ASPG: variants seen among roughly 807,000 people sequenced by gnomAD.
ASPG encodes 60 kDa lysophospholipase.
Under a neutral mutation model 63.2 loss-of-function variants are expected in ASPG, and 53 were observed. That is an observed-to-expected ratio of 0.84 (90% CI 0.67 to 1.05). The LOEUF (loss-of-function observed/expected upper bound fraction) is 1.05. ASPG is among the 50% of genes least tolerant of loss of function. The pLI is 0.00. For missense variants in ASPG, 741 were observed against 794.4 expected, an observed-to-expected ratio of 0.93 and a Z score of 0.81; for synonymous variants, 370 against 355.0, an observed-to-expected ratio of 1.04 and a Z score of -0.48.
chr14:104,111,237 G>A lies in ASPG; in HGVS notation c.1521-265G>A, dbSNP rs554969259. 3.2e-6 allele frequency: 3 copies of A among 948,986 alleles called. No individual in the cohort carries two copies. The East Asian group carries it at 3.5e-4, about 110-fold the overall frequency. The allele number at this position is 948,986 out of a possible 1,614,324, so 58.8% of individuals were successfully genotyped here. On this transcript the variant is annotated intron_variant, in intron 13 of 15. Transcript: ENST00000551177. ...TGTGTGTGTACATGTATGCTGCTGT[G>A]TATGCTGCTGTGTGTGCATGTGTGT... is the stretch of plus-strand genomic sequence containing the variant.
chr14:104,094,277 G>A (rs1272703647), intron 3 of ASPG, among the ~76,000 whole-genome samples: 1 of 152,084 alleles, frequency 6.6e-6, no homozygotes, highest in Non-Finnish European at 1.5e-5. Context: ...TCGAGGGCCA[G>A]CAAGCTCCTT....
chr14:104,112,135 C>T, intron 15 of ASPG, 135 bp downstream of exon 15: 1 of 786,540 alleles, frequency 1.3e-6, no homozygotes, highest in Non-Finnish European at 2.0e-6. Flanking sequence ...AGTTTAGGGT[C>T]TGCAGAGCCC....
At chr14:104,092,912 G>A (rs1401006144) in intron 2 of ASPG, 171 bp downstream of exon 2, 1 of 610,568 alleles carries the variant, frequency 1.6e-6, no homozygotes, top group South Asian at 2.0e-5. Context: ...TTCCACCAGA[G>A]CCTGAACCTC....
Position 104,088,502 on chromosome 14 carries a change from G to A in ASPG, c.82+2650G>A, listed in dbSNP as rs146488951. On this transcript the variant is annotated intron_variant, in intron 1 of 15. Coordinates refer to ENST00000551177, the MANE Select transcript of ASPG (RefSeq NM_001080464.3). ...ACTTGAAGACTTCCTATGTCAAACT[G>A]GGAACCCCACCTGCTTGCCGGCCTG... Among the ~76,000 whole-genome samples the A allele has an allele frequency of 3.7e-3, 560 of 152,252 alleles. 5 individuals carry two copies. The highest frequency in any genetic ancestry group is 0.013 in the African/African-American group (531 of 41,554).
chr14:104,098,656 G>A (rs1040199881), intron 5 of ASPG, among the ~76,000 whole-genome samples, 197 bp from the exon 6 acceptor site: 3 of 152,178 alleles, frequency 2.0e-5, no homozygotes, highest in East Asian at 3.9e-4. Flanking sequence ...TAGCCCACGG[G>A]TAGGTGGCAG....
chr14:104,096,342 G>A (rs917387372), intron 4 of ASPG, among the ~76,000 whole-genome samples: 1 of 152,184 alleles, frequency 6.6e-6, no homozygotes, highest in Non-Finnish European at 1.5e-5. Context: ...CGGTACCTGT[G>A]TCCCTTTGAG....
At chr14:104,105,712 T>C (rs2037094097) in intron 10 of ASPG, among the ~76,000 whole-genome samples, 1 of 152,156 alleles carries the variant, frequency 6.6e-6, no homozygotes. Flanking sequence ...GCTGCCTTAG[T>C]GCGGGGCTGC....
chr14:104,105,103 G>A (rs1288812573), intron 9 of ASPG: 5 of 653,820 alleles, frequency 7.6e-6, no homozygotes, highest in Admixed American at 3.0e-5. Context: ...GGGGCTGGAC[G>A]GAGGCTTTTG....
At position 104,110,108 on chromosome 14, in the gene ASPG, T is replaced by C. The variant is rs1408163159; in HGVS notation, c.1520+793T>C. 9.1e-6 allele frequency: 9 copies of C among 985,220 alleles called. No individual in the cohort carries two copies. In the Admixed American group the frequency reaches 5.5e-4, roughly 61 times the overall value. 61.0% of individuals were successfully genotyped at this position (985,220 alleles called of 1,614,324 possible). On this transcript the variant is annotated intron_variant, in intron 13 of 15. Transcript: ENST00000551177. This position sits in a 1 kb window ranked among gnomAD's most constrained non-coding sequence, Gnocchi z 4.7. The stretch of plus-strand genomic sequence containing the variant: ...CTGGGCTGCCCGAGGCCAGGACGAC[T>C]CCGAGGGACCCAAAAAGGAGAGTCG...
chr14:104,111,612 C>T lies in ASPG; in HGVS notation c.1620+11C>T. The T allele has an allele frequency of 6.5e-7, 1 of 1,547,860 alleles. No individual in the cohort carries two copies. The highest frequency in any genetic ancestry group is 8.7e-7 in the Non-Finnish European group (1 of 1,145,154). ...AGCGCCCTGCACGTCGTGAGTGCCC[C>T]CACCCCCTGCACCCTCTCCAAAGGC... On this transcript the variant is annotated intron_variant, in intron 14 of 15. Coordinates refer to ENST00000551177, the MANE Select transcript of ASPG (RefSeq NM_001080464.3).
rs1260983270 is a variant in ASPG, at chr14:104,109,666, G to C, written c.1520+351G>C. 2.0e-5 allele frequency among the ~76,000 whole-genome samples: 3 copies of C among 148,792 alleles called. No individual in the cohort carries two copies. Among genetic ancestry groups the C allele is most frequent in the Non-Finnish European group, 4.5e-5 (3 of 67,228 alleles). ...GTTGTCGGGTGTGAGAGGGGCTGGG[G>C]TGTGGACTGGGGGGTGGCTGGGGCT... On this transcript the variant is annotated intron_variant, in intron 13 of 15. Transcript: ENST00000551177. This position sits in a 1 kb window ranked among gnomAD's most constrained non-coding sequence, Gnocchi z 4.8.
rs1251226583 is a variant in ASPG at position 104,109,437 on chromosome 14, C to G, written c.1520+122C>G. ...TGTGGGGGCTTTCAGAGGCGAGGCC[C>G]GCTGACCTCAGTGTGCACCAACCTG... On this transcript the variant is annotated intron_variant, in intron 13 of 15. Transcript: ENST00000551177. The surrounding 1 kb of genome is among the most constrained non-coding windows in gnomAD (Gnocchi z 4.8). 2 of 1,114,576 alleles carry G rather than the reference C, an allele frequency of 1.8e-6. No homozygotes were observed. The highest frequency in any genetic ancestry group is 2.5e-6 in the Non-Finnish European group (2 of 794,396). The allele number at this position is 1,114,576 out of a possible 1,614,324, so 69.0% of individuals were successfully genotyped here. A position where few individuals can be genotyped will look rare whatever the true frequency, so the allele number is the denominator to read the frequency against.
chr14:104,092,636 T>C lies in ASPG; in HGVS notation c.86T>C (p.Leu29Pro). ...TCCACCTGGACTCTGCCTGCAGTGCTTGTGCCCGGGACGGGCCTGGCTGCC... is the reference window on the plus strand; with the variant it reads ...TCCACCTGGACTCTGCCTGCAGTGCCTGTGCCCGGGACGGGCCTGGCTGCC... ...TIGMRSELGVLVPGTGLAAIL... is the reference protein window; with the variant it reads ...TIGMRSELGVPVPGTGLAAIL... Residue 29 changes from leucine to proline, a missense_variant, in exon 2 of 16, where the codon CTT (leucine) becomes CCT (proline). By Grantham distance (98) the Leu-to-Pro change is moderately conservative. Coordinates refer to ENST00000551177, the MANE Select transcript of ASPG (RefSeq NM_001080464.3). 6.5e-7 allele frequency: 1 copy of C among 1,535,272 alleles called. No individual in the cohort carries two copies. The highest frequency in any genetic ancestry group is 8.7e-7 in the Non-Finnish European group (1 of 1,146,876).
chr14:104,087,494 T>G (rs2036251738), intron 1 of ASPG, among the ~76,000 whole-genome samples: 1 of 152,132 alleles, frequency 6.6e-6, no homozygotes, highest in African/African-American at 2.4e-5. Context: ...AGGGCTTCTC[T>G]GAGGACACAA....
chr14:104,098,009 C>T (rs555445679), intron 5 of ASPG, among the ~76,000 whole-genome samples: 4 of 126,360 alleles, frequency 3.2e-5, no homozygotes, highest in African/African-American at 9.5e-5. Flanking sequence ...GTTAGAGATG[C>T]GTATGGAGGT....
chr14:104,111,684 C>G, intron 14 of ASPG, 83 bp downstream of exon 14: 1 of 1,176,452 alleles, frequency 8.5e-7, no homozygotes. Flanking sequence ...GCTCACTGCT[C>G]TGCCCCTCCC....
chr14:104,108,285 AGGGCTGGGGTGATCC>A, intron 12 of ASPG: 3 of 398,362 alleles, frequency 7.5e-6, no homozygotes, highest in Non-Finnish European at 1.0e-5. Context: ...CCCCCCGAGC[AGGGCTGGGGTGATCC>A]GGACTGGAGC....
At chr14:104,103,726 C>T (rs1462524035) in intron 7 of ASPG, 51 bp downstream of exon 7, 7 of 1,482,374 alleles carry the variant, frequency 4.7e-6, no homozygotes, top group Non-Finnish European at 5.5e-6. Context: ...CCCCAGCCCT[C>T]TGCAGCTCCC....
intron 6 of ASPG, among the ~76,000 whole-genome samples, chr14:104,102,918 G>T (rs1049060791): frequency 5.3e-5 from 8 of 152,204 alleles, no homozygotes; most frequent in African/African-American, 1.9e-4. Flanking sequence ...CCTGGGTGTG[G>T]GGAGGGGGTG....
Sources: allele counts gnomAD v4.1 joint callset (sites outside exome capture counted in the v4.1 genomes callset), GRCh38; gene constraint gnomAD v4.1.1; non-coding constraint Gnocchi (gnomAD v3.1); transcripts MANE v1.5; gene names NCBI Gene and HGNC (gene_info 2026-07-23, HGNC 2026-07-21).